MRTFA: variants seen among roughly 807,000 people sequenced by gnomAD.
MRTFA encodes the protein myocardin related transcription factor A, also known as myocardin-related transcription factor A.
A neutral mutation model predicts 83.5 loss-of-function variants in MRTFA; 20 were observed. That is an observed-to-expected ratio of 0.24 (90% CI 0.17 to 0.35). The LOEUF is 0.35. Among genes scored for constraint, MRTFA ranks in the 10% least tolerant of loss-of-function variants. The pLI is 1.00. For synonymous variants in MRTFA, 659 were observed against 541.2 expected (o/e 1.22, Z -3.02); for missense variants, 1,200 against 1,224.7 (o/e 0.98, Z 0.30).
At chr22:40,619,612 G>A (rs111931476) in intron 1 of MRTFA, among the ~76,000 whole-genome samples, 147 of 152,166 alleles carry the variant, frequency 9.7e-4, no homozygotes, top group Admixed American at 2.7e-3. Flanking sequence ...GAAATTGGCC[G>A]GGTGCGGTGG....
intron 4 of MRTFA, among the ~76,000 whole-genome samples, chr22:40,439,033 TC>T (rs995121938): frequency 3.9e-5 from 6 of 152,288 alleles, no homozygotes; most frequent in South Asian, 4.1e-4. Context: ...GTAGGTAATA[TC>T]CCATTTTATA....
intron 3 of MRTFA, among the ~76,000 whole-genome samples, chr22:40,492,749 T>A (rs1471291977): frequency 1.3e-5 from 2 of 151,712 alleles, no homozygotes; most frequent in African/African-American, 2.4e-5. Context: ...AGGGGGGAGG[T>A]ACCAAAGGAA....
rs2074672564 is a variant in MRTFA at position 40,535,767 on chromosome 22, T to C, written c.241+16339A>G. 2.6e-5 allele frequency among the ~76,000 whole-genome samples: 4 copies of C among 152,166 alleles called. No homozygotes were observed. The South Asian group carries it at 8.3e-4, about 32-fold the overall frequency. On this transcript the variant is annotated intron_variant, in intron 3 of 14. Transcript: ENST00000355630. ...AACTTTAAGATTCCTGCACAGAAGA[T>C]GGTAGGAAGGGCAGAGGGCTGGCTG...
chr22:40,422,536 A>C (rs2052863085), intron 9 of MRTFA, among the ~76,000 whole-genome samples: 1 of 152,242 alleles, frequency 6.6e-6, no homozygotes, highest in African/African-American at 2.4e-5. Context: ...TGCTGAAAGC[A>C]GGGGTAGGCT....
intron 5 of MRTFA, 137 bp downstream of exon 5, chr22:40,435,362 G>T: frequency 2.3e-6 from 2 of 877,442 alleles, no homozygotes; most frequent in Non-Finnish European, 3.8e-6. Context: ...AAACCACAAG[G>T]CCAGGGCTGG....
rs541460746 is a variant in MRTFA at position 40,515,754 on chromosome 22, G to C, written c.241+36352C>G. On this transcript the variant is annotated intron_variant, in intron 3 of 14. Transcript: ENST00000355630. ...TGCATATCAGGAAACTCGCCTACCAGTATATAAGGACAAATATTGACTGCA... is the reference window on the plus strand; with the variant it reads ...TGCATATCAGGAAACTCGCCTACCACTATATAAGGACAAATATTGACTGCA... 1.3e-3 allele frequency among the ~76,000 whole-genome samples: 198 copies of C among 152,278 alleles called. 2 individuals carry two copies. The highest frequency in any genetic ancestry group is 4.5e-3 in the African/African-American group (189 of 41,548).
chr22:40,518,515 C>T (rs1316656263), intron 3 of MRTFA, among the ~76,000 whole-genome samples: 1 of 151,726 alleles, frequency 6.6e-6, no homozygotes, highest in African/African-American at 2.4e-5. Flanking sequence ...CAAAACAGGC[C>T]AGGCACGGTG....
chr22:40,610,580 G>C (rs1016041277), intron 1 of MRTFA, among the ~76,000 whole-genome samples: 1 of 152,044 alleles, frequency 6.6e-6, no homozygotes, highest in African/African-American at 2.4e-5. Context: ...AAAAAGTGGG[G>C]GAGAAAAGAC....
chr22:40,557,914 T>C (rs1276301379), intron 2 of MRTFA, among the ~76,000 whole-genome samples: 10 of 151,988 alleles, frequency 6.6e-5, no homozygotes, highest in Admixed American at 5.9e-4. Context: ...ACTGGGAATA[T>C]AGGCATGCGC....
chr22:40,590,319 T>C (rs753309571), intron 2 of MRTFA, among the ~76,000 whole-genome samples: 32 of 152,090 alleles, frequency 2.1e-4, no homozygotes, highest in Admixed American at 4.6e-4. Context: ...CAACCAATGA[T>C]GAGATTTAAC....
chr22:40,542,762 A>G (rs1430113691), intron 3 of MRTFA, among the ~76,000 whole-genome samples: 1 of 152,240 alleles, frequency 6.6e-6, no homozygotes, highest in Non-Finnish European at 1.5e-5. Flanking sequence ...ACCCCATTAA[A>G]AAAGGCTACT....
intron 10 of MRTFA, 73 bp from the exon 11 acceptor site, chr22:40,420,649 G>C (rs1178482143): frequency 6.4e-7 from 1 of 1,574,338 alleles, no homozygotes; most frequent in Admixed American, 1.7e-5. Context: ...CCCAAGCCTG[G>C]GCAGCAGGAT....
intron 4 of MRTFA, among the ~76,000 whole-genome samples, chr22:40,437,173 C>T (rs980476638): frequency 4.6e-4 from 70 of 152,082 alleles, no homozygotes; most frequent in African/African-American, 1.6e-3. Context: ...GGGCACTATC[C>T]AGGATTCCCC....
chr22:40,542,011 T>G (rs1458462413), intron 3 of MRTFA, among the ~76,000 whole-genome samples: 1 of 151,962 alleles, frequency 6.6e-6, no homozygotes, highest in African/African-American at 2.4e-5. Context: ...GATTTTTATT[T>G]ATTTATTTTA....
chr22:40,586,197 TACA>T (rs1339546541), intron 2 of MRTFA, among the ~76,000 whole-genome samples: 5 of 149,126 alleles, frequency 3.4e-5, no homozygotes, highest in South Asian at 2.1e-4. Flanking sequence ...TGAAACAAGC[TACA>T]ACAAGTTGAA....
rs548322162 is a variant in MRTFA, at chr22:40,616,966, G to C, written c.-84+19512C>G. On this transcript the variant is annotated intron_variant, in intron 1 of 14. Transcript: ENST00000355630. ...AAAAATACAAAAATTATCTGGGCAT[G>C]GTGGTGCACACCTGTAACCCCAGCT... is the stretch of plus-strand genomic sequence containing the variant. Among the ~76,000 whole-genome samples the C allele has an allele frequency of 2.0e-5, 3 of 151,632 alleles. No individual in the cohort carries two copies. In the South Asian group the frequency reaches 6.3e-4, roughly 32 times the overall value.
rs767336483 is a variant in MRTFA at position 40,419,048 on chromosome 22, T to C, written c.1690A>G (p.Ser564Gly). 3.7e-6 allele frequency: 6 copies of C among 1,611,652 alleles called. No individual in the cohort carries two copies. Among genetic ancestry groups the C allele is most frequent in the South Asian group, 1.1e-5 (1 of 90,904 alleles). Residue 564 changes from serine to glycine, a missense_variant, in exon 12 of 15, where the codon AGC (serine) becomes GGC (glycine). Transcript: ENST00000355630. ...GGGGTGGAGTTTTCATCGCCCGTGCTGAGCAGTGAGCGCTCCGAGGGGGTG... is the reference window on the plus strand; with the variant it reads ...GGGGTGGAGTTTTCATCGCCCGTGCCGAGCAGTGAGCGCTCCGAGGGGGTG...
Position 40,418,901 on chromosome 22 carries a change from C to A in MRTFA, c.1837G>T (p.Gly613Trp), listed in dbSNP as rs149929991. The A allele has an allele frequency of 3.0e-5, 49 of 1,612,632 alleles. No homozygotes were observed. In the African/African-American group the frequency reaches 5.2e-4, roughly 17 times the overall value. ...CGCCCCTCTAGCTCCGCCCGCCCCCCAGGGCTCAGGCAACAGGACCCGGCC... is the reference window on the plus strand; with the variant it reads ...CGCCCCTCTAGCTCCGCCCGCCCCCAAGGGCTCAGGCAACAGGACCCGGCC... The change falls in exon 12 of 15, where the codon GGG becomes TGG. Residue 613 changes from glycine (G) to tryptophan (W), a missense_variant. Gly to Trp is a radical substitution (Grantham distance 184). Transcript: ENST00000355630.
At chr22:40,587,045 GA>G (rs2056041183) in intron 2 of MRTFA, 3 of 473,906 alleles carry the variant, frequency 6.3e-6, no homozygotes, top group Non-Finnish European at 1.3e-5. Flanking sequence ...GCTTCAACAT[GA>G]TTTTCAGGTT....
Sources: allele counts gnomAD v4.1 joint callset (sites outside exome capture counted in the v4.1 genomes callset), GRCh38; gene constraint gnomAD v4.1.1; transcripts MANE v1.5; gene names NCBI Gene and HGNC (gene_info 2026-07-23, HGNC 2026-07-21).